Variants in PCDHGB7 observed in about 807,000 individuals in gnomAD.
PCDHGB7 encodes protocadherin gamma-B7.
PCDHGB7 carries 37 observed loss-of-function variants against 61.4 expected under a neutral mutation model. The ratio of observed to expected loss-of-function variants is 0.60; its 90% CI spans 0.46 to 0.79. The LOEUF (loss-of-function observed/expected upper bound fraction) is 0.79. Ranked by LOEUF, PCDHGB7 falls within the 30% of genes least tolerant of loss-of-function variation. The pLI is 0.00. For synonymous variants in PCDHGB7, 464 were observed against 503.5 expected, an observed-to-expected ratio of 0.92 and a Z score of 1.05; for missense variants, 1,166 against 1,202.5, an observed-to-expected ratio of 0.97 and a Z score of 0.45.
At chr5:141,483,772 G>C (rs2099586910) in intron 1 of PCDHGB7, among the ~76,000 whole-genome samples, 1 of 152,140 alleles carries the variant, frequency 6.6e-6, no homozygotes, top group Non-Finnish European at 1.5e-5. Flanking sequence ...AAAAATATTG[G>C]GGAAGGATAA....
chr5:141,507,483 T>G (rs2099860964), intron 3 of PCDHGB7, among the ~76,000 whole-genome samples: 1 of 152,184 alleles, frequency 6.6e-6, no homozygotes, highest in South Asian at 2.1e-4. Context: ...GCTGGCCTCC[T>G]GAGGCAGAGC....
At position 141,511,216 on chromosome 5, in the gene PCDHGB7, C is replaced by G. The variant is rs374915167; in HGVS notation, c.*43C>G. Reference sequence around the variant, plus strand: ...GAGCCACAGGGCGGCCTCTCCCCAACCAGCCCAGCTTCTCCTTACCTGCAC... The same window carrying G: ...GAGCCACAGGGCGGCCTCTCCCCAAGCAGCCCAGCTTCTCCTTACCTGCAC... On this transcript the variant is annotated 3_prime_UTR_variant, in exon 4 of 4. Coordinates refer to ENST00000398594, the MANE Select transcript of PCDHGB7 (RefSeq NM_018927.4). 4.2e-5 allele frequency: 68 copies of G among 1,608,004 alleles called. No individual in the cohort carries two copies. The highest frequency in any genetic ancestry group is 6.7e-5 in the East Asian group (3 of 44,538).
At chr5:141,492,606 C>G (rs1019615566) in intron 1 of PCDHGB7, among the ~76,000 whole-genome samples, 3 of 152,232 alleles carry the variant, frequency 2.0e-5, no homozygotes, top group African/African-American at 7.2e-5. Flanking sequence ...GACTGCCGCT[C>G]TAAGTGCCGG....
intron 1 of PCDHGB7, among the ~76,000 whole-genome samples, chr5:141,459,494 G>C (rs1454297107): frequency 2.0e-5 from 3 of 152,200 alleles, no homozygotes; most frequent in African/African-American, 7.2e-5. Context: ...CTGAATTAAA[G>C]TGATGTGAAC....
Position 141,490,849 on chromosome 5 carries a change from C to A in PCDHGB7, c.2416-3958C>A, listed in dbSNP as rs200640560. The A allele has an allele frequency of 6.2e-7, 1 of 1,613,748 alleles. No individual in the cohort carries two copies. Among genetic ancestry groups the A allele is most frequent in the Non-Finnish European group, 8.5e-7 (1 of 1,179,862 alleles). On this transcript the variant is annotated intron_variant, in intron 1 of 3. Coordinates refer to ENST00000398594, the MANE Select transcript of PCDHGB7 (RefSeq NM_018927.4). This position sits in a 1 kb window ranked among gnomAD's most constrained non-coding sequence, Gnocchi z 5.4. ...GATGCTGCAGATTGTGGTGGGGGTT[C>A]GAGACTCCGGCTCTCCCCCATTGCA...
intron 1 of PCDHGB7, chr5:141,430,905 C>T: frequency 6.2e-7 from 1 of 1,606,922 alleles, no homozygotes; most frequent in Non-Finnish European, 8.5e-7. Context: ...GGCGACATCT[C>T]CAGGGACCTG....
At chr5:141,503,598 C>CAAA (rs765754054) in intron 2 of PCDHGB7, among the ~76,000 whole-genome samples, 1 of 65,748 alleles carries the variant, frequency 1.5e-5, no homozygotes. Context: ...GACTCCAGCT[C>CAAA]AAAAAAAAAA....
intron 1 of PCDHGB7, among the ~76,000 whole-genome samples, chr5:141,425,629 C>G (rs1297803997): frequency 1.3e-5 from 2 of 152,162 alleles, no homozygotes; most frequent in Admixed American, 1.3e-4. Flanking sequence ...CTCCAGTTTT[C>G]TCTGATAAAA....
chr5:141,490,180 C>T lies in PCDHGB7; in HGVS notation c.2416-4627C>T, dbSNP rs747366205. On this transcript the variant is annotated intron_variant, in intron 1 of 3. Coordinates refer to ENST00000398594, the MANE Select transcript of PCDHGB7 (RefSeq NM_018927.4). This position sits in a 1 kb window ranked among gnomAD's most constrained non-coding sequence, Gnocchi z 5.4. ...GGGTCCCATAGACTTTGAGGAGTCACGTTTCTATGAAATTCATGCAAGAGC... is the reference window on the plus strand; with the variant it reads ...GGGTCCCATAGACTTTGAGGAGTCATGTTTCTATGAAATTCATGCAAGAGC... 3 of 1,614,208 alleles carry T rather than the reference C, an allele frequency of 1.9e-6. No individual in the cohort carries two copies. Among genetic ancestry groups the T allele is most frequent in the East Asian group, 2.2e-5 (1 of 44,882 alleles).
rs534128024 is a variant in PCDHGB7, at chr5:141,419,972, C to T, written c.2113C>T (p.Leu705Phe). ...ALALISVLFL[L>F]AVILAIALRL... The stretch of plus-strand genomic sequence containing the variant: ...GGCCTTGATTTCTGTGCTCTTTCTC[C>T]TCGCGGTGATTCTAGCTATTGCTCT... Residue 705 changes from leucine to phenylalanine, a missense_variant, in exon 1 of 4, where the codon CTC becomes TTC. Physicochemically the swap from Leu to Phe is conservative, Grantham distance 22. Coordinates refer to ENST00000398594, the MANE Select transcript of PCDHGB7 (RefSeq NM_018927.4). 1.9e-6 allele frequency: 3 copies of T among 1,613,948 alleles called. No individual in the cohort carries two copies. Among genetic ancestry groups the T allele is most frequent in the South Asian group, 1.1e-5 (1 of 91,090 alleles).
chr5:141,489,040 C>G lies in PCDHGB7; in HGVS notation c.2416-5767C>G. On this transcript the variant is annotated intron_variant, in intron 1 of 3. Coordinates refer to ENST00000398594, the MANE Select transcript of PCDHGB7 (RefSeq NM_018927.4). This position sits in a 1 kb window ranked among gnomAD's most constrained non-coding sequence, Gnocchi z 4.5. ...CCTCTCCTCCTCCAGCTCCCCAGCT[C>G]CACTCAAATTCAGCTCCCCTCCCCC... 1 of 479,752 alleles carries G rather than the reference C, an allele frequency of 2.1e-6. No homozygotes were observed. The highest frequency in any genetic ancestry group is 3.6e-6 in the Non-Finnish European group (1 of 274,204). 29.7% of individuals were successfully genotyped at this position (479,752 alleles called of 1,614,324 possible). A position where few individuals can be genotyped will look rare whatever the true frequency, so the allele number is the denominator to read the frequency against.
intron 2 of PCDHGB7, among the ~76,000 whole-genome samples, 199 bp downstream of exon 2, chr5:141,495,064 C>T (rs563712352): frequency 6.6e-6 from 1 of 152,296 alleles, no homozygotes; most frequent in South Asian, 2.1e-4. Context: ...GTTCAGGAAG[C>T]TCAATTCACA....
At chr5:141,451,334 C>G (rs916812246) in intron 1 of PCDHGB7, among the ~76,000 whole-genome samples, 4 of 152,192 alleles carry the variant, frequency 2.6e-5, no homozygotes, top group Non-Finnish European at 4.4e-5. Context: ...AGGCTATTGT[C>G]TTATCTGAAG....
intron 2 of PCDHGB7, among the ~76,000 whole-genome samples, chr5:141,500,184 TTTTATTTATTTATTTATTTA>T (rs58019021): frequency 1.5e-5 from 2 of 135,966 alleles, no homozygotes; most frequent in Non-Finnish European, 3.2e-5. Flanking sequence ...TCATTTTTAT[TTTTATTTATTTATTTATTTA>T]TTTATTTATT....
chr5:141,428,344 G>T (rs970552377), intron 1 of PCDHGB7: 3 of 596,498 alleles, frequency 5.0e-6, no homozygotes, highest in Non-Finnish European at 6.1e-6. Flanking sequence ...CTTCTTCCTC[G>T]CAGTGATTTT....
At chr5:141,421,354 G>T in intron 1 of PCDHGB7, 2 of 1,613,980 alleles carry the variant, frequency 1.2e-6, no homozygotes, top group Non-Finnish European at 1.7e-6. Context: ...GACCGAAAAG[G>T]GCTCCTTCGT....
At chr5:141,499,451 T>A (rs1378621877) in intron 2 of PCDHGB7, among the ~76,000 whole-genome samples, 3 of 152,130 alleles carry the variant, frequency 2.0e-5, no homozygotes, top group Non-Finnish European at 4.4e-5. Flanking sequence ...AAACCACCCA[T>A]CATTTTACAA....
Position 141,432,377 on chromosome 5 carries a change from C to T in PCDHGB7, c.2415+12103C>T. 3.7e-6 allele frequency: 6 copies of T among 1,614,240 alleles called. No homozygotes were observed. Among genetic ancestry groups the T allele is most frequent in the Non-Finnish European group, 5.1e-6 (6 of 1,180,046 alleles). On this transcript the variant is annotated intron_variant, in intron 1 of 3. Transcript: ENST00000398594. This position sits in a 1 kb window ranked among gnomAD's most constrained non-coding sequence, Gnocchi z 6.0. ...AGTGATGGCGCGGGACAACGGGCAC[C>T]CGCCCCTCAGCAGCAACGTGTCGTT...
intron 1 of PCDHGB7, chr5:141,433,288 G>A (rs2097582001): frequency 5.3e-6 from 6 of 1,136,424 alleles, no homozygotes; most frequent in Non-Finnish European, 7.5e-6. Flanking sequence ...CAAACTCCTA[G>A]GCTCAAGCAA....
Sources: allele counts gnomAD v4.1 joint callset (sites outside exome capture counted in the v4.1 genomes callset), GRCh38; gene constraint gnomAD v4.1.1; non-coding constraint Gnocchi (gnomAD v3.1); transcripts MANE v1.5; gene names NCBI Gene and HGNC (gene_info 2026-07-23, HGNC 2026-07-21).